The following RXRA variants were observed in gnomAD, a reference collection of about 807,000 sequenced individuals.
RXRA encodes retinoic acid receptor RXR-alpha.
RXRA carries 5 observed loss-of-function variants against 44.5 expected under a neutral mutation model. The observed-to-expected ratio is 0.11, with a 90% CI of 0.06 to 0.24. The LOEUF (loss-of-function observed/expected upper bound fraction) is 0.24, where lower values mean the gene tolerates loss of function less well. Among genes scored for constraint, RXRA ranks in the 10% least tolerant of loss-of-function variants. The pLI, the probability that RXRA is intolerant of heterozygous loss-of-function variation, is 1.00. For missense variants in RXRA, 412 were observed against 646.5 expected (o/e 0.64, Z 3.93); for synonymous variants, 291 against 271.4 (o/e 1.07, Z -0.71).
chr9:134,377,565 C>A (rs1264261107), intron 1 of RXRA, among the ~76,000 whole-genome samples: 2 of 152,208 alleles, frequency 1.3e-5, no homozygotes, highest in Non-Finnish European at 2.9e-5. Context: ...ACCCACACCC[C>A]CAGCTCCCGC....
chr9:134,400,515 C>T lies in RXRA; in HGVS notation c.29-1117C>T, dbSNP rs1370822290. 5.9e-5 allele frequency among the ~76,000 whole-genome samples: 9 copies of T among 152,292 alleles called. No individual in the cohort carries two copies. The South Asian group carries it at 1.0e-3, about 18-fold the overall frequency. On this transcript the variant is annotated intron_variant, in intron 1 of 9. Transcript: ENST00000481739. ...GGCTTGCCCCGTGTGCCCAGCCCGTCGGAGATAGGGTGGGGGCAGGCAGGC... is the reference window on the plus strand; with the variant it reads ...GGCTTGCCCCGTGTGCCCAGCCCGTTGGAGATAGGGTGGGGGCAGGCAGGC...
At chr9:134,384,681 G>T (rs975055912) in intron 1 of RXRA, among the ~76,000 whole-genome samples, 6 of 152,164 alleles carry the variant, frequency 3.9e-5, no homozygotes, top group Non-Finnish European at 8.8e-5. Context: ...GTACTGGGCC[G>T]TCACCCGGTC....
intron 1 of RXRA, among the ~76,000 whole-genome samples, chr9:134,378,179 G>T (rs1830587047): frequency 6.6e-6 from 1 of 152,254 alleles, no homozygotes; most frequent in South Asian, 2.1e-4. Flanking sequence ...GCAAGGCACA[G>T]AGCTCTGGAA....
intron 5 of RXRA, among the ~76,000 whole-genome samples, chr9:134,418,390 G>C (rs12004786): frequency 1.3e-5 from 2 of 152,054 alleles, no homozygotes; most frequent in Admixed American, 1.3e-4. Flanking sequence ...CTGTGTCTCC[G>C]TGTGGGTTTG....
In RXRA at chr9:134,395,975, C is replaced by G. The variant is rs72768796; in HGVS notation, c.29-5657C>G. 7.0e-3 allele frequency among the ~76,000 whole-genome samples: 1,060 copies of G among 152,338 alleles called. 6 individuals are homozygous for G. The highest frequency in any genetic ancestry group is 0.011 in the Non-Finnish European group (766 of 68,030). On this transcript the variant is annotated intron_variant, in intron 1 of 9. Transcript: ENST00000481739. The stretch of plus-strand genomic sequence containing the variant: ...CTCCTGGGGCTGGAGGTGACAGGCC[C>G]GAGTCTTTGCCTGCCCCTGCGGGGA...
At chr9:134,388,152 G>C (rs951642214) in intron 1 of RXRA, among the ~76,000 whole-genome samples, 1 of 149,580 alleles carries the variant, frequency 6.7e-6, no homozygotes, top group African/African-American at 2.4e-5. Flanking sequence ...GTTTGAGTTT[G>C]TATTAAGTTA....
At chr9:134,368,077 G>A (rs913725704) in intron 1 of RXRA, among the ~76,000 whole-genome samples, 1 of 152,240 alleles carries the variant, frequency 6.6e-6, no homozygotes, top group African/African-American at 2.4e-5. Flanking sequence ...AGGAGCCTGC[G>A]GCAGCGGGCC....
intron 1 of RXRA, among the ~76,000 whole-genome samples, chr9:134,369,782 G>A (rs1830468188): frequency 6.6e-6 from 1 of 152,110 alleles, no homozygotes; most frequent in Admixed American, 6.5e-5. Context: ...CTCACATTTG[G>A]AGGCAGAGGT....
intron 1 of RXRA, among the ~76,000 whole-genome samples, chr9:134,374,325 G>C (rs1034872322): frequency 6.6e-6 from 1 of 152,370 alleles, no homozygotes; most frequent in Non-Finnish European, 1.5e-5. Context: ...GATGGATGAG[G>C]AAAGGCCAAC....
At chr9:134,427,579 G>A (rs1381962239) in intron 6 of RXRA, among the ~76,000 whole-genome samples, 1 of 152,232 alleles carries the variant, frequency 6.6e-6, no homozygotes, top group Non-Finnish European at 1.5e-5. Context: ...ACACCTGGGC[G>A]GGGCGGCCTC....
intron 1 of RXRA, among the ~76,000 whole-genome samples, chr9:134,389,420 C>G (rs1278981587): frequency 6.6e-6 from 1 of 152,020 alleles, no homozygotes; most frequent in East Asian, 1.9e-4. Flanking sequence ...GCTTGGGCGC[C>G]TCTGTCCCGG....
At position 134,401,817 on chromosome 9, in the gene RXRA, A is replaced by G. The variant is rs780279380; in HGVS notation, c.214A>G (p.Met72Val). ...GCCTTTCTCGGTCATCAGCTCCCCC[A>G]TGGGCCCCCACTCCATGTCGGTGCC... ...GPPFSVISSPMGPHSMSVPTT... is the reference protein window; with the variant it reads ...GPPFSVISSPVGPHSMSVPTT... Residue 72 changes from methionine (M) to valine (V), a missense_variant, in exon 2 of 10, where the codon ATG (methionine) becomes GTG (valine). Physicochemically the swap from Met to Val is conservative, Grantham distance 21. Coordinates refer to ENST00000481739, the MANE Select transcript of RXRA (RefSeq NM_002957.6). The G allele has an allele frequency of 1.9e-6, 3 of 1,612,226 alleles. No individual in the cohort carries two copies. Among genetic ancestry groups the G allele is most frequent in the East Asian group, 2.2e-5 (1 of 44,788 alleles).
In RXRA at chr9:134,349,003, T is replaced by C. The variant is rs565081925; in HGVS notation, c.28+22344T>C. ...TTGAGACTCGGGAGGGGCTGGCATATCCGAGACCCAGTTCTGTCACTTGCA... is the reference window on the plus strand; with the variant it reads ...TTGAGACTCGGGAGGGGCTGGCATACCCGAGACCCAGTTCTGTCACTTGCA... On this transcript the variant is annotated intron_variant, in intron 1 of 9. Coordinates refer to ENST00000481739, the MANE Select transcript of RXRA (RefSeq NM_002957.6). This position sits in a 1 kb window ranked among gnomAD's most constrained non-coding sequence, Gnocchi z 4.3. 1.3e-5 allele frequency among the ~76,000 whole-genome samples: 2 copies of C among 152,314 alleles called. No individual in the cohort carries two copies. The highest frequency in any genetic ancestry group is 1.3e-4 in the Admixed American group (2 of 15,302).
intron 5 of RXRA, among the ~76,000 whole-genome samples, chr9:134,421,217 C>T (rs1004432965): frequency 1.3e-5 from 2 of 152,212 alleles, no homozygotes. Context: ...GCAGTCTTGC[C>T]GGGCTGACAT....
chr9:134,421,938 C>T lies in RXRA; in HGVS notation c.910+133C>T, dbSNP rs4620352. On this transcript the variant is annotated intron_variant, in intron 6 of 9. Transcript: ENST00000481739. ...CTGGGACACTCCCCCCTCCCAGGAC[C>T]CACTCCTACCTCCCGGGACACTCCC... 2.0e-6 allele frequency: 3 copies of T among 1,503,220 alleles called. No individual in the cohort carries two copies. The African/African-American group carries it at 4.3e-5, about 22-fold the overall frequency. The allele number at this position is 1,503,220 out of a possible 1,614,324, so 93.1% of individuals were successfully genotyped here.
chr9:134,390,512 G>T (rs565555569), intron 1 of RXRA, among the ~76,000 whole-genome samples: 2 of 152,212 alleles, frequency 1.3e-5, no homozygotes, highest in Non-Finnish European at 2.9e-5. Context: ...GGCGCCTGTG[G>T]CCACGGGGTG....
chr9:134,339,904 T>C (rs1830065824), intron 1 of RXRA, among the ~76,000 whole-genome samples: 1 of 152,012 alleles, frequency 6.6e-6, no homozygotes, highest in African/African-American at 2.4e-5. Context: ...CCTGTGTGTG[T>C]CTGTGTGTGA....
chr9:134,391,154 C>T (rs1767651814), intron 1 of RXRA, among the ~76,000 whole-genome samples: 2 of 152,174 alleles, frequency 1.3e-5, no homozygotes. Flanking sequence ...CATGCCAGGC[C>T]CCAGGACATG....
In RXRA at chr9:134,376,199, G is replaced by A. The variant is rs554509523; in HGVS notation, c.29-25433G>A. Among the ~76,000 whole-genome samples, 37 of 152,294 alleles carry A rather than the reference G, an allele frequency of 2.4e-4. No individual in the cohort carries two copies. The South Asian group carries it at 4.4e-3, about 18-fold the overall frequency. On this transcript the variant is annotated intron_variant, in intron 1 of 9. Coordinates refer to ENST00000481739, the MANE Select transcript of RXRA (RefSeq NM_002957.6). ...TCTGCAGGCGCAGCCAGGCCTTCTT[G>A]TGGAGGCCCAGAGGGGCACCCTCAG...
Sources: gnomAD v4.1 joint callset for allele counts (sites outside exome capture counted in the v4.1 genomes callset) on GRCh38, gnomAD v4.1.1 for gene constraint, Gnocchi (gnomAD v3.1) non-coding constraint, MANE v1.5 for transcripts, NCBI Gene and HGNC (gene_info 2026-07-23, HGNC 2026-07-21) for gene names.